The following GRIA1 variants were observed in gnomAD, a reference collection of about 807,000 sequenced individuals.
GRIA1 encodes glutamate receptor 1.
In GRIA1, 31 loss-of-function variants were observed where a neutral mutation model predicts 99.2. The ratio of observed to expected loss-of-function variants is 0.31; its 90% CI spans 0.23 to 0.42. The LOEUF is 0.42. GRIA1 is among the 10% of genes least tolerant of loss of function. GRIA1 has a pLI of 1.00. For missense variants in GRIA1, 782 were observed against 1,157.5 expected (o/e 0.68, Z 4.71); for synonymous variants, 438 against 432.4 (o/e 1.01, Z -0.16).
At chr5:153,499,325 T>C (rs1417948926) in intron 2 of GRIA1, among the ~76,000 whole-genome samples, 2 of 152,066 alleles carry the variant, frequency 1.3e-5, no homozygotes, top group African/African-American at 4.8e-5. Flanking sequence ...TTTAAAGATC[T>C]ATGAATATGG....
At chr5:153,700,243 C>T (rs976208328) in intron 10 of GRIA1, among the ~76,000 whole-genome samples, 2 of 152,012 alleles carry the variant, frequency 1.3e-5, no homozygotes. Flanking sequence ...AAATTAGCTG[C>T]ACATGGTGGC....
In GRIA1 at chr5:153,646,908, A is replaced by G. The variant is rs1172289543; in HGVS notation, c.221-20A>G. On this transcript the variant is annotated intron_variant, in intron 2 of 15. Transcript: ENST00000285900. ...ACTTTTTGCAGTCTTCTATTCATTA[A>G]TCCTTCTCTTCTCTTGTAGTCTGTT... 6.2e-7 allele frequency: 1 copy of G among 1,612,466 alleles called. No individual in the cohort carries two copies. Among genetic ancestry groups the G allele is most frequent in the Non-Finnish European group, 8.5e-7 (1 of 1,179,038 alleles).
intron 11 of GRIA1, among the ~76,000 whole-genome samples, chr5:153,746,686 G>T (rs1038557367): frequency 3.9e-5 from 6 of 152,174 alleles, no homozygotes; most frequent in Non-Finnish European, 7.3e-5. Context: ...TGGATGCAGA[G>T]AAACCATATG....
chr5:153,569,825 A>T (rs1027871104), intron 2 of GRIA1, among the ~76,000 whole-genome samples: 3 of 152,170 alleles, frequency 2.0e-5, no homozygotes, highest in Admixed American at 2.0e-4. Flanking sequence ...AAACCTAAAG[A>T]GGTGCAGAGG....
chr5:153,737,947 G>A (rs6896622), intron 11 of GRIA1, among the ~76,000 whole-genome samples: 82,008 of 151,894 alleles, frequency 0.54, 23,127 homozygotes, highest in East Asian at 0.94. Context: ...GAAGATTTCC[G>A]TTGCTAATTT....
chr5:153,598,686 T>A (rs1561675376), intron 2 of GRIA1, among the ~76,000 whole-genome samples: 1 of 152,166 alleles, frequency 6.6e-6, no homozygotes, highest in Non-Finnish European at 1.5e-5. Flanking sequence ...TTTCTTCCTT[T>A]CCTTATAGCC....
At chr5:153,551,231 G>A (rs1039680585) in intron 2 of GRIA1, among the ~76,000 whole-genome samples, 1 of 152,136 alleles carries the variant, frequency 6.6e-6, no homozygotes, top group African/African-American at 2.4e-5. Context: ...CATAGTTAAT[G>A]TATGTGTTGA....
chr5:153,785,519 T>C (rs1251700982), intron 13 of GRIA1, among the ~76,000 whole-genome samples: 1 of 152,126 alleles, frequency 6.6e-6, no homozygotes, highest in African/African-American at 2.4e-5. Context: ...ATTAATACCA[T>C]TTAATAACAG....
At chr5:153,796,701 CTG>C (rs1397942165) in intron 14 of GRIA1, among the ~76,000 whole-genome samples, 2 of 152,218 alleles carry the variant, frequency 1.3e-5, no homozygotes, top group African/African-American at 4.8e-5. Flanking sequence ...GCAACACTCA[CTG>C]TGTGACTCGC....
At chr5:153,650,542 G>T (rs756678599) in intron 4 of GRIA1, 28 bp downstream of exon 4, 2 of 1,600,450 alleles carry the variant, frequency 1.2e-6, no homozygotes, top group African/African-American at 1.3e-5. Context: ...GGCTCAGGGT[G>T]GGTGCGGGAG....
At chr5:153,709,231 G>A (rs970229598) in intron 11 of GRIA1, among the ~76,000 whole-genome samples, 1 of 152,188 alleles carries the variant, frequency 6.6e-6, no homozygotes, top group Non-Finnish European at 1.5e-5. Flanking sequence ...GACACTCTGG[G>A]TGCTGCAGTA....
intron 11 of GRIA1, among the ~76,000 whole-genome samples, chr5:153,714,201 T>C (rs1265672360): frequency 1.3e-5 from 2 of 152,112 alleles, no homozygotes; most frequent in Non-Finnish European, 2.9e-5. Flanking sequence ...GTCATTGCCA[T>C]GGGAACTCCA....
At chr5:153,520,739 C>T (rs1296091021) in intron 2 of GRIA1, among the ~76,000 whole-genome samples, 1 of 152,100 alleles carries the variant, frequency 6.6e-6, no homozygotes, top group Non-Finnish European at 1.5e-5. Flanking sequence ...AAATAAGAAC[C>T]TGGATTTCTT....
rs369925426 is a variant in GRIA1, at chr5:153,538,930, A to G, written c.220+44865A>G. 6.6e-4 allele frequency among the ~76,000 whole-genome samples: 100 copies of G among 152,204 alleles called. 1 individual carries two copies. Among genetic ancestry groups the G allele is most frequent in the East Asian group, 1.9e-4 (1 of 5,198 alleles). On this transcript the variant is annotated intron_variant, in intron 2 of 15. Transcript: ENST00000285900. ...CTTAATCCTAGCATGTGTAATTCCA[A>G]TGAAGTCCTTCCTCTTGAAAACTAC...
chr5:153,686,897 G>A (rs1188182268), intron 8 of GRIA1, among the ~76,000 whole-genome samples: 4 of 152,088 alleles, frequency 2.6e-5, no homozygotes, highest in African/African-American at 4.8e-5. Context: ...GGCCTCTGCC[G>A]ATTTCTTCAC....
At chr5:153,776,667 C>G (rs533792798) in intron 13 of GRIA1, among the ~76,000 whole-genome samples, 1 of 152,248 alleles carries the variant, frequency 6.6e-6, no homozygotes, top group East Asian at 1.9e-4. Context: ...ATTTTTTTCT[C>G]TCTTCACACA....
In GRIA1 at chr5:153,580,419, C is replaced by T. The variant is rs564289976; in HGVS notation, c.221-66509C>T. 8.5e-5 allele frequency among the ~76,000 whole-genome samples: 13 copies of T among 152,178 alleles called. No homozygotes were observed. The South Asian group carries it at 1.9e-3, about 22-fold the overall frequency. ...ACACATTATCTTGGCCAATTTGAGCCTAAAAAGTGATGTAGCTCAGAAGCA... is the reference window on the plus strand; with the variant it reads ...ACACATTATCTTGGCCAATTTGAGCTTAAAAAGTGATGTAGCTCAGAAGCA... On this transcript the variant is annotated intron_variant, in intron 2 of 15. Coordinates refer to ENST00000285900, the MANE Select transcript of GRIA1 (RefSeq NM_000827.4).
intron 13 of GRIA1, among the ~76,000 whole-genome samples, chr5:153,787,961 T>C (rs927390973): frequency 6.6e-6 from 1 of 152,016 alleles, no homozygotes; most frequent in Non-Finnish European, 1.5e-5. Context: ...GCGCCTGTAG[T>C]CCCAGCTACT....
intron 2 of GRIA1, among the ~76,000 whole-genome samples, chr5:153,595,495 C>T (rs1415084867): frequency 6.6e-6 from 1 of 152,108 alleles, no homozygotes; most frequent in Non-Finnish European, 1.5e-5. Context: ...ATGAGTTACA[C>T]TCTACCTCTT....
Sources: allele counts gnomAD v4.1 joint callset (sites outside exome capture counted in the v4.1 genomes callset), GRCh38; gene constraint gnomAD v4.1.1; transcripts MANE v1.5; gene names NCBI Gene and HGNC (gene_info 2026-07-23, HGNC 2026-07-21).